Variants in MCAT observed in about 807,000 individuals in gnomAD.
The protein encoded by MCAT is malonyl-CoA-acyl carrier protein transacylase, mitochondrial.
A neutral mutation model predicts 22.9 loss-of-function variants in MCAT; 22 were observed. The ratio of observed to expected loss-of-function variants is 0.96; its 90% CI spans 0.69 to 1.37. The LOEUF is 1.37. Ranked by LOEUF, MCAT falls within the 40% of genes most tolerant of loss-of-function variation. The pLI is 0.00. For missense variants in MCAT, 534 were observed against 533.6 expected (o/e 1.00, Z -0.01); for synonymous variants, 240 against 233.9 (o/e 1.03, Z -0.24).
At chr22:43,142,060 C>A (rs910417571) in intron 1 of MCAT, among the ~76,000 whole-genome samples, 1 of 152,226 alleles carries the variant, frequency 6.6e-6, no homozygotes, top group African/African-American at 2.4e-5. Context: ...CTTTTAATAT[C>A]CCTGAGTCTG....
chr22:43,140,696 G>A, intron 2 of MCAT: 1 of 160,502 alleles, frequency 6.2e-6, no homozygotes, highest in Non-Finnish European at 1.4e-5. Context: ...TCACTATGTG[G>A]CCCAAGATGG....
intron 3 of MCAT, among the ~76,000 whole-genome samples, chr22:43,134,009 A>G (rs1318875569): frequency 1.3e-5 from 2 of 151,752 alleles, no homozygotes; most frequent in Non-Finnish European, 2.9e-5. Flanking sequence ...CTCGTGATCC[A>G]CCCTCTTCGG....
intron 1 of MCAT, among the ~76,000 whole-genome samples, chr22:43,142,434 C>T (rs910356332): frequency 1.3e-4 from 19 of 151,952 alleles, no homozygotes; most frequent in African/African-American, 4.1e-4. Flanking sequence ...TTGCAGTGAG[C>T]CAAGACTGCG....
Position 43,132,950 on chromosome 22 carries a change from G to A in MCAT, c.*93C>T. The A allele has an allele frequency of 1.7e-6, 2 of 1,188,046 alleles. No individual in the cohort carries two copies. Among genetic ancestry groups the A allele is most frequent in the East Asian group, 2.4e-5 (1 of 42,498 alleles). The allele number at this position is 1,188,046 out of a possible 1,614,324, so 73.6% of individuals were successfully genotyped here. ...AACAAATCCCTTTCACTCCTCAGAG[G>A]AGGAGCCATTAGGAAGGTAGGGGGC... On this transcript the variant is annotated 3_prime_UTR_variant, in exon 4 of 4. Coordinates refer to ENST00000290429, the MANE Select transcript of MCAT (RefSeq NM_173467.5).
At position 43,137,103 on chromosome 22, in the gene MCAT, C is replaced by G; in HGVS notation, c.707G>C (p.Arg236Thr). The G allele has an allele frequency of 6.2e-7, 1 of 1,614,186 alleles. No homozygotes were observed. Among genetic ancestry groups the G allele is most frequent in the Non-Finnish European group, 8.5e-7 (1 of 1,180,024 alleles). Residue 236 changes from arginine to threonine, a missense_variant, in exon 3 of 4, where the codon AGG becomes ACG. Physicochemically the swap from Arg to Thr is moderately conservative, Grantham distance 71. Transcript: ENST00000290429. ...CACCTCTTGGTGTCCTGAAATCACC[C>G]TGCAATCTGGAAAGAGGTAGTTGGA... is the stretch of plus-strand genomic sequence containing the variant. ...EVSNYLFPDC[R>T]VISGHQEALR...
rs1930521450 is a variant in MCAT at position 43,133,612 on chromosome 22, G to A, written c.730-126C>T. 45 of 668,356 alleles carry A rather than the reference G, an allele frequency of 6.7e-5. 2 individuals carry two copies. The South Asian group carries it at 8.2e-4, about 12-fold the overall frequency. The allele number at this position is 668,356 out of a possible 1,614,324, so 41.4% of individuals were successfully genotyped here. On this transcript the variant is annotated intron_variant, in intron 3 of 3. Coordinates refer to ENST00000290429, the MANE Select transcript of MCAT (RefSeq NM_173467.5). Reference sequence around the variant, plus strand: ...ACCCACAGCTGCTAGATGTGGACATGTGACCTGTCTGTCCCAGCACCATCC... The same window carrying A: ...ACCCACAGCTGCTAGATGTGGACATATGACCTGTCTGTCCCAGCACCATCC...
In MCAT at chr22:43,137,159, A is replaced by G. The variant is rs1569472380; in HGVS notation, c.651T>C (p.Ser217=). The G allele has an allele frequency of 1.2e-6, 2 of 1,614,184 alleles. No homozygotes were observed. The highest frequency in any genetic ancestry group is 8.5e-7 in the Non-Finnish European group (1 of 1,180,032). The part of the protein sequence containing the change: ...ACLEAREHCK[S]LGIENPVCEV... ...CACATACGGGGTTCTCTATGCCTAA[A>G]GACTTGCAGTGTTCCCGGGCTTCCA... The change falls in exon 3 of 4, where the codon TCT becomes TCC. Residue 217 remains serine, a synonymous_variant. Coordinates refer to ENST00000290429, the MANE Select transcript of MCAT (RefSeq NM_173467.5).
In MCAT at chr22:43,143,351, T is replaced by G; in HGVS notation, c.-3A>C. Reference sequence around the variant, plus strand: ...ACCCGTGCGACCCGGACGCTCATGGTCGGACACCTGCCCGCGCGCGTTACC... The same window carrying G: ...ACCCGTGCGACCCGGACGCTCATGGGCGGACACCTGCCCGCGCGCGTTACC... On this transcript the variant is annotated 5_prime_UTR_variant, in exon 1 of 4. Coordinates refer to ENST00000290429, the MANE Select transcript of MCAT (RefSeq NM_173467.5). 8 of 1,365,474 alleles carry G rather than the reference T, an allele frequency of 5.9e-6. No homozygotes were observed. The highest frequency in any genetic ancestry group is 7.5e-6 in the Non-Finnish European group (8 of 1,066,032). The allele number at this position is 1,365,474 out of a possible 1,614,324, so 84.6% of individuals were successfully genotyped here. A position where few individuals can be genotyped will look rare whatever the true frequency, so the allele number is the denominator to read the frequency against.
At chr22:43,136,578 G>A (rs1363893389) in intron 3 of MCAT, among the ~76,000 whole-genome samples, 1 of 152,204 alleles carries the variant, frequency 6.6e-6, no homozygotes, top group Non-Finnish European at 1.5e-5. Flanking sequence ...CTCTTCCTTT[G>A]ACGGCAGGAA....
In MCAT at chr22:43,133,176, T is replaced by C. The variant is rs780659059; in HGVS notation, c.1040A>G (p.Glu347Gly). ...KKGRGFPQTF[E>G]VGPGRQLGAI... is the part of the protein sequence containing the mutation. Reference sequence around the variant, plus strand: ...TCCCAGCTGCCTGCCAGGGCCTACTTCGAAAGTTTGGGGGAACCCCCTGCC... The same window carrying C: ...TCCCAGCTGCCTGCCAGGGCCTACTCCGAAAGTTTGGGGGAACCCCCTGCC... The change falls in exon 4 of 4, where the codon GAA becomes GGA. Residue 347 changes from glutamate to glycine, a missense_variant. By Grantham distance (98) the Glu-to-Gly change is moderately conservative. Coordinates refer to ENST00000290429, the MANE Select transcript of MCAT (RefSeq NM_173467.5). 2 of 1,614,180 alleles carry C rather than the reference T, an allele frequency of 1.2e-6. No homozygotes were observed. Among genetic ancestry groups the C allele is most frequent in the Non-Finnish European group, 1.7e-6 (2 of 1,180,028 alleles).
At chr22:43,141,320 G>T in intron 1 of MCAT, 71 bp from the exon 2 acceptor site, 1 of 1,332,392 alleles carries the variant, frequency 7.5e-7, no homozygotes, top group Non-Finnish European at 1.1e-6. Context: ...CTGTACCTGA[G>T]AGCTGGCGGG....
At chr22:43,135,401 G>C (rs1219560362) in intron 3 of MCAT, among the ~76,000 whole-genome samples, 4 of 151,296 alleles carry the variant, frequency 2.6e-5, no homozygotes, top group African/African-American at 9.7e-5. Flanking sequence ...CTACTTGGGA[G>C]GCTAAGGCAG....
rs1569475078 is a variant in MCAT, at chr22:43,143,283, G to C, written c.66C>G (p.Ala22=). 5.6e-6 allele frequency: 8 copies of C among 1,431,756 alleles called. No homozygotes were observed. The highest frequency in any genetic ancestry group is 1.5e-5 in the African/African-American group (1 of 66,388). The allele number at this position is 1,431,756 out of a possible 1,614,324, so 88.7% of individuals were successfully genotyped here. Residue 22 remains alanine, a synonymous_variant, in exon 1 of 4, where the codon GCC becomes GCG. Transcript: ENST00000290429. The stretch of plus-strand genomic sequence containing the variant: ...CCGGCGGAGGCACCGGGAAGCTCGA[G>C]GCGCCGCGGCGGTAGCTGGCGCCCA... The part of the protein sequence containing the change: ...RGLGASYRRG[A]SSFPVPPPGA...
At chr22:43,141,492 G>A (rs758371572) in intron 1 of MCAT, among the ~76,000 whole-genome samples, 2 of 152,056 alleles carry the variant, frequency 1.3e-5, no homozygotes, top group Non-Finnish European at 2.9e-5. Context: ...TCACACTGAC[G>A]CCAACCCAGG....
At chr22:43,141,556 T>C (rs1264377201) in intron 1 of MCAT, among the ~76,000 whole-genome samples, 1 of 152,092 alleles carries the variant, frequency 6.6e-6, no homozygotes, top group Non-Finnish European at 1.5e-5. Context: ...CATATCGTTG[T>C]GCACAAGTTA....
chr22:43,142,433 G>A (rs1930794356), intron 1 of MCAT, among the ~76,000 whole-genome samples: 1 of 152,022 alleles, frequency 6.6e-6, no homozygotes, highest in Admixed American at 6.6e-5. Context: ...GTTGCAGTGA[G>A]CCAAGACTGC....
At chr22:43,141,107 A>G (rs2147037558) in intron 2 of MCAT, 55 bp downstream of exon 2, 1 of 1,465,370 alleles carries the variant, frequency 6.8e-7, no homozygotes, top group East Asian at 2.3e-5. Context: ...AGTGTCCCTT[A>G]CCCCTAATGA....
In MCAT at chr22:43,143,025, G is replaced by C. The variant is rs1278337979; in HGVS notation, c.324C>G (p.His108Gln). The C allele has an allele frequency of 2.5e-6, 4 of 1,609,694 alleles. No homozygotes were observed. The highest frequency in any genetic ancestry group is 1.7e-5 in the Admixed American group (1 of 59,642). ...TGCGGTCCAGGGTCTCCTGCGGCCC[G>C]TGCAGGCTCAGTTCCAGCAGGTCGT... ...LGYDLLELSL[H>Q]GPQETLDRTV... Residue 108 changes from histidine to glutamine, a missense_variant, in exon 1 of 4, where the codon CAC becomes CAG. Transcript: ENST00000290429.
At chr22:43,142,063 T>G (rs1308591593) in intron 1 of MCAT, among the ~76,000 whole-genome samples, 1 of 152,248 alleles carries the variant, frequency 6.6e-6, no homozygotes, top group African/African-American at 2.4e-5. Flanking sequence ...TTAATATCCC[T>G]GAGTCTGCAT....
Sources: gnomAD v4.1 joint callset for allele counts (sites outside exome capture counted in the v4.1 genomes callset) on GRCh38, gnomAD v4.1.1 for gene constraint, MANE v1.5 for transcripts, NCBI Gene and HGNC (gene_info 2026-07-23, HGNC 2026-07-21) for gene names.